PTK2: variants seen among roughly 807,000 people sequenced by gnomAD.
PTK2 encodes focal adhesion kinase 1.
PTK2 carries 45 observed loss-of-function variants against 150.1 expected under a neutral mutation model. That is an observed-to-expected ratio of 0.30 (90% CI 0.24 to 0.38). The LOEUF is 0.38. Among genes scored for constraint, PTK2 ranks in the 10% least tolerant of loss-of-function variants. The pLI, the probability that PTK2 is intolerant of heterozygous loss-of-function variation, is 1.00. For missense variants in PTK2, 919 were observed against 1,307.3 expected (o/e 0.70, Z 4.58); for synonymous variants, 432 against 449.2 (o/e 0.96, Z 0.48).
intron 29 of PTK2, chr8:140,669,301 G>GTATGTGTATATATATATATATA (rs547959878): frequency 1.0e-5 from 1 of 97,984 alleles, no homozygotes; most frequent in African/African-American, 4.7e-5. Flanking sequence ...GCATAAAATG[G>GTATGTGTATATATATATATATA]TATATATATA....
At chr8:140,831,197 C>T (rs2100115152) in intron 7 of PTK2, among the ~76,000 whole-genome samples, 1 of 152,088 alleles carries the variant, frequency 6.6e-6, no homozygotes, top group African/African-American at 2.4e-5. Context: ...AACGCTCTGG[C>T]CAAGAAAATA....
At chr8:140,744,788 A>AT in intron 18 of PTK2, 21 bp from the exon 22 acceptor site, 2,362 of 1,211,456 alleles carry the variant, frequency 1.9e-3, no homozygotes, top group Non-Finnish European at 2.5e-3. Flanking sequence ...AATGACCAAA[A>AT]GAAAAAAAAA....
At chr8:140,764,104 A>C in intron 15 of PTK2, 130 bp downstream of exon 17, 1 of 823,378 alleles carries the variant, frequency 1.2e-6, no homozygotes. Flanking sequence ...AAGGTTGAAA[A>C]GAATATTTCT....
At chr8:140,853,274 T>C (rs545605604) in intron 5 of PTK2, among the ~76,000 whole-genome samples, 140 of 151,872 alleles carry the variant, frequency 9.2e-4, no homozygotes, top group Non-Finnish European at 1.5e-3. Context: ...ATCTGCCATG[T>C]TGGTGTGCTG....
chr8:140,989,397 A>AAAAC (rs972498119), intron 1 of PTK2, among the ~76,000 whole-genome samples: 1 of 151,856 alleles, frequency 6.6e-6, no homozygotes, highest in Non-Finnish European at 1.5e-5. Flanking sequence ...CTATCTCAAA[A>AAAAC]AAACAAACAA....
At chr8:140,713,624 T>C (rs200836554) in intron 23 of PTK2, among the ~76,000 whole-genome samples, 2 of 152,226 alleles carry the variant, frequency 1.3e-5, no homozygotes, top group Non-Finnish European at 2.9e-5. Context: ...AGAATGGCTG[T>C]TCTAGGATAC....
At chr8:140,670,484 C>A (rs28564062) in intron 29 of PTK2, among the ~76,000 whole-genome samples, 559 of 12,468 alleles carry the variant, frequency 0.045, 27 homozygotes, top group Middle Eastern at 0.077. Flanking sequence ...AAAAAAAAAA[C>A]AACAACACAC....
At chr8:140,710,686 CCAA>C (rs1010565515) in intron 23 of PTK2, among the ~76,000 whole-genome samples, 1 of 151,780 alleles carries the variant, frequency 6.6e-6, no homozygotes, top group African/African-American at 2.4e-5. Context: ...ACAGAACAAG[CCAA>C]CAACAACAAC....
chr8:140,727,650 G>C (rs186977687), intron 22 of PTK2, among the ~76,000 whole-genome samples: 1 of 152,034 alleles, frequency 6.6e-6, no homozygotes, highest in Non-Finnish European at 1.5e-5. Context: ...TTTAAAGTTC[G>C]TGTTGTGGGA....
chr8:140,672,988 CAG>C (rs918954972), intron 29 of PTK2, among the ~76,000 whole-genome samples: 4 of 152,156 alleles, frequency 2.6e-5, no homozygotes, highest in African/African-American at 7.2e-5. Context: ...AGGACTGCCA[CAG>C]AACTTGGTAA....
chr8:140,752,020 AATCT>A (rs1459057282), intron 17 of PTK2: 1 of 700,010 alleles, frequency 1.4e-6, no homozygotes, highest in Non-Finnish European at 2.6e-6. Flanking sequence ...AATGCACATC[AATCT>A]ACCTTTACAC....
At chr8:140,705,473 G>A (rs1230887388) in intron 24 of PTK2, among the ~76,000 whole-genome samples, 3 of 152,186 alleles carry the variant, frequency 2.0e-5, no homozygotes, top group Non-Finnish European at 4.4e-5. Flanking sequence ...GGGGCAGGAG[G>A]TGCCTGATGG....
intron 14 of PTK2, among the ~76,000 whole-genome samples, chr8:140,789,189 G>A (rs1326910284): frequency 6.6e-6 from 1 of 151,180 alleles, no homozygotes; most frequent in East Asian, 1.9e-4. Flanking sequence ...ACTTCATTCT[G>A]GATAAGATTA....
chr8:140,987,867 A>G (rs1263166201), intron 1 of PTK2, among the ~76,000 whole-genome samples: 1 of 151,962 alleles, frequency 6.6e-6, no homozygotes, highest in Non-Finnish European at 1.5e-5. Context: ...ACATGACTAG[A>G]CCTCGTCTCT....
Position 140,861,563 on chromosome 8 carries a change from T to C in PTK2, c.450+2749A>G, listed in dbSNP as rs188571556. 3.4e-3 allele frequency among the ~76,000 whole-genome samples: 518 copies of C among 152,294 alleles called. 4 individuals are homozygous for C. Among genetic ancestry groups the C allele is most frequent in the African/African-American group, 0.012 (502 of 41,558 alleles). ...TGCAGCTCACACTTGTATGGTGATA[T>C]GCAAATGGCAAATGCTGAATCCTCT... On this transcript the variant is annotated intron_variant, in intron 5 of 31. Coordinates refer to ENST00000522684, the Ensembl canonical transcript of PTK2.
chr8:140,951,910 T>C (rs72685789), intron 1 of PTK2, among the ~76,000 whole-genome samples: 3 of 33,824 alleles, frequency 8.9e-5, no homozygotes, highest in African/African-American at 2.5e-4. Flanking sequence ...AAAAAAAAAA[T>C]TTTTTTTTTT....
At chr8:140,801,867 G>C (rs2100095255) in intron 11 of PTK2, among the ~76,000 whole-genome samples, 4 of 152,064 alleles carry the variant, frequency 2.6e-5, no homozygotes, top group Admixed American at 2.6e-4. Context: ...ATATAATAGA[G>C]CTAAGAATTC....
chr8:140,704,758 T>C (rs2100032712), intron 24 of PTK2, among the ~76,000 whole-genome samples: 1 of 152,140 alleles, frequency 6.6e-6, no homozygotes, highest in Non-Finnish European at 1.5e-5. Flanking sequence ...GCTCTGACCC[T>C]TGTGCTGGGT....
At chr8:140,713,735 G>A (rs1238709185) in intron 23 of PTK2, among the ~76,000 whole-genome samples, 1 of 152,186 alleles carries the variant, frequency 6.6e-6, no homozygotes, top group Non-Finnish European at 1.5e-5. Flanking sequence ...TGCAGGGCTT[G>A]TCTCAGGGAA....
Sources: gnomAD v4.1 joint callset for allele counts (sites outside exome capture counted in the v4.1 genomes callset) on GRCh38, gnomAD v4.1.1 for gene constraint, MANE v1.5 for transcripts, NCBI Gene and HGNC (gene_info 2026-07-23, HGNC 2026-07-21) for gene names.